CYRIB: variants seen among roughly 807,000 people sequenced by gnomAD.
The protein encoded by CYRIB is CYFIP-related Rac1 interactor B.
CYRIB carries 8 observed loss-of-function variants against 44.2 expected under a neutral mutation model. That is an observed-to-expected ratio of 0.18 (90% confidence interval 0.11 to 0.33). The LOEUF (loss-of-function observed/expected upper bound fraction) is 0.33, where lower values mean the gene tolerates loss of function less well. Ranked by LOEUF, CYRIB falls within the 10% of genes least tolerant of loss-of-function variation. The pLI is 1.00. For synonymous variants in CYRIB, 131 were observed against 127.2 expected, an observed-to-expected ratio of 1.03 and a Z score of -0.20; for missense variants, 185 against 382.8, an observed-to-expected ratio of 0.48 and a Z score of 4.31.
intron 1 of CYRIB, among the ~76,000 whole-genome samples, chr8:129,988,475 C>T (rs570335911): frequency 1.5e-3 from 221 of 152,300 alleles, no homozygotes; most frequent in Non-Finnish European, 2.9e-3. Flanking sequence ...GGCATTTGCA[C>T]GTGTCACCTG....
At chr8:129,970,135 A>G (rs2095633093) in intron 2 of CYRIB, among the ~76,000 whole-genome samples, 1 of 152,220 alleles carries the variant, frequency 6.6e-6, no homozygotes, top group Non-Finnish European at 1.5e-5. Flanking sequence ...CTGTACGATT[A>G]AGATTTGTGC....
At chr8:129,867,535 GTTTA>G (rs1359947297) in intron 4 of CYRIB, among the ~76,000 whole-genome samples, 5 of 151,448 alleles carry the variant, frequency 3.3e-5, no homozygotes, top group African/African-American at 9.7e-5. Flanking sequence ...AATAAGCATT[GTTTA>G]TTTAATAGAT....
At chr8:129,845,305 C>A (rs1345238472) in intron 11 of CYRIB, among the ~76,000 whole-genome samples, 1 of 152,168 alleles carries the variant, frequency 6.6e-6, no homozygotes, top group Admixed American at 6.5e-5. Context: ...CTTCAAAGAG[C>A]CTGACCAATC....
intron 2 of CYRIB, among the ~76,000 whole-genome samples, chr8:129,880,644 C>G (rs1254238790): frequency 6.6e-6 from 1 of 152,074 alleles, no homozygotes; most frequent in Non-Finnish European, 1.5e-5. Flanking sequence ...CCCTCTTTTC[C>G]ACATATCAAA....
In CYRIB at chr8:129,972,000, G is replaced by A. The variant is rs1168081111; in HGVS notation, c.-295-1005C>T. Among the ~76,000 whole-genome samples the A allele has an allele frequency of 2.0e-5, 3 of 152,284 alleles. No individual in the cohort carries two copies. In the South Asian group the frequency reaches 6.2e-4, roughly 32 times the overall value. ...GAGAAACAGGATGACTTTTTCTCTG[G>A]CCTTTATTCTGATTAAATCTTTAGC... On this transcript the variant is annotated intron_variant, in intron 1 of 14. Coordinates refer to the CYRIB transcript ENST00000401979.
chr8:129,990,724 A>G (rs375611157), intron 1 of CYRIB, among the ~76,000 whole-genome samples: 3 of 151,728 alleles, frequency 2.0e-5, no homozygotes, highest in Admixed American at 1.3e-4. Flanking sequence ...GCGTCTCACT[A>G]TGTTGCCCAG....
intron 4 of CYRIB, among the ~76,000 whole-genome samples, chr8:129,863,673 A>T (rs571030025): frequency 3.3e-5 from 5 of 152,286 alleles, no homozygotes; most frequent in Admixed American, 1.3e-4. Flanking sequence ...AAGGGAAGAA[A>T]ATATAATCTA....
rs1420483380 is a variant in CYRIB, at chr8:129,848,392, T to C, written c.840+851A>G. ...CAATTCTCACCAAACACTAATGAAC[T>C]AGATGTGAGAGGTTGGGGAAAGAAA... is the stretch of plus-strand genomic sequence containing the variant. On this transcript the variant is annotated intron_variant, in intron 10 of 11. Coordinates refer to ENST00000519824, the Ensembl canonical transcript of CYRIB. Among the ~76,000 whole-genome samples the C allele has an allele frequency of 3.3e-5, 5 of 152,092 alleles. No homozygotes were observed. The East Asian group carries it at 7.7e-4, about 23-fold the overall frequency.
intron 2 of CYRIB, among the ~76,000 whole-genome samples, chr8:129,883,786 G>A (rs1270757013): frequency 1.3e-5 from 2 of 152,110 alleles, no homozygotes; most frequent in African/African-American, 4.8e-5. Flanking sequence ...CCATTCCTCA[G>A]TTTTCTCATG....
intron 1 of CYRIB, among the ~76,000 whole-genome samples, chr8:129,982,847 T>C (rs932899196): frequency 7.9e-5 from 12 of 152,140 alleles, no homozygotes; most frequent in African/African-American, 2.9e-4. Context: ...GCTCACCACC[T>C]CTTTCTGTCC....
chr8:129,855,614 G>T, exon 6 of CYRIB: 1 of 1,613,872 alleles, frequency 6.2e-7, no homozygotes, highest in Non-Finnish European at 8.5e-7. Flanking sequence ...ATTCTACCTT[G>T]AGTTCATCAA....
At chr8:129,919,674 A>T (rs2136999238) in intron 1 of CYRIB, among the ~76,000 whole-genome samples, 1 of 152,264 alleles carries the variant, frequency 6.6e-6, no homozygotes, top group East Asian at 1.9e-4. Flanking sequence ...ACAACTTCCA[A>T]AGACATTTTT....
chr8:129,852,353 G>T, intron 7 of CYRIB, 75 bp from the exon 10 acceptor site: 1 of 842,758 alleles, frequency 1.2e-6, no homozygotes, highest in South Asian at 3.2e-5. Flanking sequence ...AAGGACCCAG[G>T]CAGGGTGCCT....
intron 1 of CYRIB, among the ~76,000 whole-genome samples, chr8:129,916,627 A>C (rs1447803063): frequency 2.0e-5 from 3 of 152,194 alleles, no homozygotes; most frequent in Non-Finnish European, 4.4e-5. Flanking sequence ...TCTTATCCTT[A>C]AAGGGCCAAT....
chr8:129,895,853 C>T (rs982374488), intron 2 of CYRIB, among the ~76,000 whole-genome samples: 2 of 152,276 alleles, frequency 1.3e-5, no homozygotes, highest in South Asian at 4.1e-4. Context: ...CAATTACAGG[C>T]GTGAGCCACT....
At chr8:129,889,902 T>A (rs1366352235) in intron 2 of CYRIB, among the ~76,000 whole-genome samples, 1 of 151,880 alleles carries the variant, frequency 6.6e-6, no homozygotes, top group Non-Finnish European at 1.5e-5. Context: ...ACCTACTGAG[T>A]AGCTGAGACT....
At chr8:129,870,539 C>G (rs2056735590) in intron 4 of CYRIB, among the ~76,000 whole-genome samples, 1 of 152,236 alleles carries the variant, frequency 6.6e-6, no homozygotes, top group Admixed American at 6.5e-5. Flanking sequence ...TTCACTAGTA[C>G]TCCAATGTCA....
chr8:129,942,855 G>A (rs943147023), upstream of CYRIB, among the ~76,000 whole-genome samples: 21 of 152,228 alleles, frequency 1.4e-4, no homozygotes, highest in African/African-American at 3.9e-4. Flanking sequence ...CCGAAACTCC[G>A]TATGTGACAG....
chr8:129,992,259 C>T (rs950960460), intron 1 of CYRIB, among the ~76,000 whole-genome samples: 1 of 147,706 alleles, frequency 6.8e-6, no homozygotes, highest in Non-Finnish European at 1.5e-5. Context: ...CGGTCAAGGC[C>T]CTCCAGCCTG....
Sources: gnomAD v4.1 joint callset for allele counts (sites outside exome capture counted in the v4.1 genomes callset) on GRCh38, gnomAD v4.1.1 for gene constraint, MANE v1.5 for transcripts, NCBI Gene and HGNC (gene_info 2026-07-23, HGNC 2026-07-21) for gene names.